BEGAIN: variants seen among roughly 807,000 people sequenced by gnomAD.
The protein encoded by BEGAIN is brain enriched guanylate kinase associated.
A neutral mutation model predicts 35.8 loss-of-function variants in BEGAIN; 19 were observed. The observed-to-expected ratio is 0.53, with a 90% CI of 0.37 to 0.78. The LOEUF (loss-of-function observed/expected upper bound fraction) is 0.78, where lower values mean the gene tolerates loss of function less well. Ranked by LOEUF, BEGAIN falls within the 30% of genes least tolerant of loss-of-function variation. BEGAIN has a pLI of 0.00. For missense variants in BEGAIN, 795 were observed against 853.6 expected (o/e 0.93, Z 0.85); for synonymous variants, 462 against 388.6 (o/e 1.19, Z -2.22).
chr14:100,557,038 C>G (rs887864837), intron 2 of BEGAIN, among the ~76,000 whole-genome samples: 65 of 152,008 alleles, frequency 4.3e-4, no homozygotes, highest in Non-Finnish European at 8.2e-4. Context: ...AGCCAGGCCC[C>G]CAGTCCCAGC....
intron 6 of BEGAIN, among the ~76,000 whole-genome samples, 200 bp from the exon 7 acceptor site, chr14:100,539,515 G>A (rs915117833): frequency 6.6e-6 from 1 of 152,166 alleles, no homozygotes; most frequent in Non-Finnish European, 1.5e-5. Context: ...CAGGGGTGTG[G>A]GTGCTGTGAC....
chr14:100,565,370 G>A (rs2034603065), intron 2 of BEGAIN, among the ~76,000 whole-genome samples: 1 of 152,174 alleles, frequency 6.6e-6, no homozygotes, highest in African/African-American at 2.4e-5. Flanking sequence ...GCATGGGGGG[G>A]CAGCCAGTGG....
chr14:100,539,250 G>T lies in BEGAIN; in HGVS notation c.558C>A (p.Ser186=). The change falls in exon 7 of 7, where the codon TCC becomes TCA. Residue 186 remains serine (S), a synonymous_variant. Transcript: ENST00000554140. Reference sequence around the variant, plus strand: ...CGGCGTAGGCCGGGTGGCAGAGCGGGGATGGCAGGCTGCAGCCGTGCTTCT... The same window carrying T: ...CGGCGTAGGCCGGGTGGCAGAGCGGTGATGGCAGGCTGCAGCCGTGCTTCT... ...HMEKHGCSLP[S]PLCHPAYADS... 1 of 1,588,512 alleles carries T rather than the reference G, an allele frequency of 6.3e-7. No individual in the cohort carries two copies. The highest frequency in any genetic ancestry group is 8.6e-7 in the Non-Finnish European group (1 of 1,167,522).
In BEGAIN at chr14:100,586,366, A is replaced by G. The variant is rs1347414082; in HGVS notation, c.42+883T>C. On this transcript the variant is annotated intron_variant, in intron 1 of 6. Transcript: ENST00000554140. This position sits in a 1 kb window ranked among gnomAD's most constrained non-coding sequence, Gnocchi z 4.9. ...TCTGCACTGGCGGCCGACCTTGGCCATGCGGACTTTGCACGTGCAGTGCTC... is the reference window on the plus strand; with the variant it reads ...TCTGCACTGGCGGCCGACCTTGGCCGTGCGGACTTTGCACGTGCAGTGCTC... 6.6e-6 allele frequency among the ~76,000 whole-genome samples: 1 copy of G among 152,056 alleles called. No homozygotes were observed. The highest frequency in any genetic ancestry group is 2.4e-5 in the African/African-American group (1 of 41,446).
At position 100,568,307 on chromosome 14, in the gene BEGAIN, T is replaced by TCCCCCCCCCC; in HGVS notation, c.43-369_43-368insGGGGGGGGGG. On this transcript the variant is annotated intron_variant, in intron 1 of 6. Coordinates refer to ENST00000554140, the MANE Select transcript of BEGAIN (RefSeq NM_001385089.1). The surrounding 1 kb of genome is among the most constrained non-coding windows in gnomAD (Gnocchi z 7.5). ...TCTCCGGCGGCCGCGGCCCCGCTGC[T>TCCCCCCCCCC]CCCCCCGCCCCGCCCGTTAACCCTT... The TCCCCCCCCCC allele has an allele frequency of 8.5e-6, 6 of 707,812 alleles. No homozygotes were observed. Among genetic ancestry groups the TCCCCCCCCCC allele is most frequent in the Non-Finnish European group, 1.2e-5 (6 of 491,752 alleles). 43.8% of individuals were successfully genotyped at this position (707,812 alleles called of 1,614,324 possible).
chr14:100,576,174 T>C (rs1030351936), intron 1 of BEGAIN, among the ~76,000 whole-genome samples: 1 of 151,980 alleles, frequency 6.6e-6, no homozygotes, highest in Non-Finnish European at 1.5e-5. Context: ...CAGCTGGCCA[T>C]GCAGACCTAC....
intron 1 of BEGAIN, among the ~76,000 whole-genome samples, chr14:100,581,912 GGCTTCT>G (rs2035324965): frequency 6.6e-6 from 1 of 152,218 alleles, no homozygotes. Flanking sequence ...AGGCATGCCG[GGCTTCT>G]GCTGACAGTG....
At chr14:100,565,895 C>T (rs1427050904) in intron 2 of BEGAIN, among the ~76,000 whole-genome samples, 2 of 152,240 alleles carry the variant, frequency 1.3e-5, no homozygotes, top group African/African-American at 2.4e-5. Flanking sequence ...CTGTGGGACC[C>T]CAAACCCTGT....
At chr14:100,544,600 A>G (rs2032113090) in intron 4 of BEGAIN, among the ~76,000 whole-genome samples, 1 of 152,200 alleles carries the variant, frequency 6.6e-6, no homozygotes, top group African/African-American at 2.4e-5. Flanking sequence ...GGGTCCCCAC[A>G]GAGGGGTCCC....
At chr14:100,540,196 C>T (rs1368386633) in intron 6 of BEGAIN, 2 of 431,774 alleles carry the variant, frequency 4.6e-6, no homozygotes, top group Non-Finnish European at 8.4e-6. Flanking sequence ...TCTGCCGTGT[C>T]AGCGCTCAGT....
At chr14:100,554,771 G>C (rs2033542796) in intron 2 of BEGAIN, among the ~76,000 whole-genome samples, 1 of 152,094 alleles carries the variant, frequency 6.6e-6, no homozygotes, top group African/African-American at 2.4e-5. Context: ...GTTCTACCCT[G>C]GCTCAGAGCT....
intron 2 of BEGAIN, 59 bp from the exon 3 acceptor site, chr14:100,546,721 C>T: frequency 6.8e-7 from 1 of 1,471,418 alleles, no homozygotes; most frequent in Non-Finnish European, 9.0e-7. Flanking sequence ...AAACTAAGGC[C>T]CGCAGGCCAG....
chr14:100,568,208 C>T lies in BEGAIN; in HGVS notation c.43-269G>A. 6 of 717,656 alleles carry T rather than the reference C, an allele frequency of 8.4e-6. No homozygotes were observed. Among genetic ancestry groups the T allele is most frequent in the Non-Finnish European group, 1.0e-5 (6 of 573,730 alleles). 44.5% of individuals were successfully genotyped at this position (717,656 alleles called of 1,614,324 possible). A position where few individuals can be genotyped will look rare whatever the true frequency, so the allele number is the denominator to read the frequency against. ...ACGCCCCCCGGGGCGAAGAAGGGGC[C>T]GGCCCGGGATGGCCCGGCCAGGGGC... On this transcript the variant is annotated intron_variant, in intron 1 of 6. Coordinates refer to ENST00000554140, the MANE Select transcript of BEGAIN (RefSeq NM_001385089.1). This position sits in a 1 kb window ranked among gnomAD's most constrained non-coding sequence, Gnocchi z 7.5.
intron 1 of BEGAIN, among the ~76,000 whole-genome samples, chr14:100,579,678 G>A (rs552501601): frequency 3.3e-5 from 5 of 152,312 alleles, no homozygotes; most frequent in African/African-American, 1.2e-4. Flanking sequence ...TCTGAGCTCT[G>A]CCGGACACCT....
In BEGAIN at chr14:100,560,004, C is replaced by G. The variant is rs931403298; in HGVS notation, c.71+7907G>C. 2.6e-5 allele frequency among the ~76,000 whole-genome samples: 4 copies of G among 152,204 alleles called. No homozygotes were observed. The South Asian group carries it at 8.3e-4, about 31-fold the overall frequency. The stretch of plus-strand genomic sequence containing the variant: ...TCCCTAAGCCTCCCTTTAGTGGTGT[C>G]TAGGATCCCCCAATCTCTGCACCAG... On this transcript the variant is annotated intron_variant, in intron 2 of 6. Transcript: ENST00000554140.
intron 1 of BEGAIN, among the ~76,000 whole-genome samples, chr14:100,580,174 G>A (rs1017763413): frequency 1.4e-4 from 22 of 152,116 alleles, no homozygotes; most frequent in South Asian, 2.1e-4. Context: ...GTGTGGTGGC[G>A]CCTGCCTGTA....
chr14:100,539,174 C>CA lies in BEGAIN; in HGVS notation c.633_634insT (p.Ala212CysfsTer38). 6.3e-7 allele frequency: 1 copy of CA among 1,581,582 alleles called. No homozygotes were observed. Among genetic ancestry groups the CA allele is most frequent in the Non-Finnish European group, 8.6e-7 (1 of 1,161,624 alleles). On this transcript the variant is annotated frameshift_variant, in exon 7 of 7. Coordinates refer to ENST00000554140, the MANE Select transcript of BEGAIN (RefSeq NM_001385089.1). LOFTEE classifies it high-confidence loss of function. Reference sequence around the variant, plus strand: ...TCGGACAGGCGGGAGGACAGGCTGGCGGGGTCCGGCTTCTCCAGCACCTTG... The same window carrying CA: ...TCGGACAGGCGGGAGGACAGGCTGGCAGGGGTCCGGCTTCTCCAGCACCTTG...
chr14:100,545,952 A>C (rs778328292), intron 3 of BEGAIN: 2 of 152,428 alleles, frequency 1.3e-5, no homozygotes, highest in Non-Finnish European at 1.5e-5. Context: ...GAGAAAGTGC[A>C]TATTACATTT....
In BEGAIN at chr14:100,538,692, C is replaced by T. The variant is rs1232501364; in HGVS notation, c.1116G>A (p.Thr372=). The stretch of plus-strand genomic sequence containing the variant: ...CCTCCAGCGGGGCCGCCACCGCGGC[C>T]GTGGCCTTGGCAAAGCGAGGGCTGC... ...YEGSPRFAKA[T]AAVAAPLEAE... is the part of the protein sequence containing the mutation. The change falls in exon 7 of 7, where the codon ACG becomes ACA. Residue 372 remains threonine, a synonymous_variant. Transcript: ENST00000554140. 9 of 1,556,648 alleles carry T rather than the reference C, an allele frequency of 5.8e-6. No homozygotes were observed. The highest frequency in any genetic ancestry group is 2.7e-5 in the African/African-American group (2 of 73,444).
Sources: gnomAD v4.1 joint callset for allele counts (sites outside exome capture counted in the v4.1 genomes callset) on GRCh38, gnomAD v4.1.1 for gene constraint, Gnocchi (gnomAD v3.1) non-coding constraint, MANE v1.5 for transcripts, NCBI Gene and HGNC (gene_info 2026-07-23, HGNC 2026-07-21) for gene names.